Variants in RPS6KA2 observed in about 807,000 individuals in gnomAD.
RPS6KA2 encodes ribosomal protein S6 kinase alpha-2.
Under a neutral mutation model 91.8 loss-of-function variants are expected in RPS6KA2, and 42 were observed. That is an observed-to-expected ratio of 0.46 (90% confidence interval 0.36 to 0.59). The LOEUF (loss-of-function observed/expected upper bound fraction) is 0.59. RPS6KA2 is among the 20% of genes least tolerant of loss of function. The pLI is 0.00. For missense variants in RPS6KA2, 798 were observed against 978.5 expected, an observed-to-expected ratio of 0.82 and a Z score of 2.46; for synonymous variants, 414 against 393.6, an observed-to-expected ratio of 1.05 and a Z score of -0.61.
chr6:166,831,492 G>A (rs1228404839), intron 2 of RPS6KA2, among the ~76,000 whole-genome samples: 1 of 151,956 alleles, frequency 6.6e-6, no homozygotes, highest in Non-Finnish European at 1.5e-5. Context: ...TGTAAGGGCA[G>A]TGAGGACCAA....
Position 166,767,509 on chromosome 6 carries a change from G to C in RPS6KA2, c.123+90691C>G, listed in dbSNP as rs1423706249. Among the ~76,000 whole-genome samples, 2 of 152,110 alleles carry C rather than the reference G, an allele frequency of 1.3e-5. No individual in the cohort carries two copies. Among genetic ancestry groups the C allele is most frequent in the Admixed American group, 6.5e-5 (1 of 15,268 alleles). ...AAAATTAATTTTGTGACTCAGCTGA[G>C]GGCTGCTGCTGTCACCCAGGAGCCC... On this transcript the variant is annotated intron_variant, in intron 2 of 21. Transcript: ENST00000503859. The surrounding 1 kb of genome is among the most constrained non-coding windows in gnomAD (Gnocchi z 4.6).
At chr6:166,791,215 C>G (rs1202712920) in intron 2 of RPS6KA2, among the ~76,000 whole-genome samples, 1 of 152,112 alleles carries the variant, frequency 6.6e-6, no homozygotes, top group Non-Finnish European at 1.5e-5. Flanking sequence ...GGTCGCAATC[C>G]TAGTCTCTGA....
chr6:166,799,810 G>T (rs1216544220), intron 2 of RPS6KA2, among the ~76,000 whole-genome samples: 6 of 151,976 alleles, frequency 3.9e-5, no homozygotes, highest in African/African-American at 1.5e-4. Flanking sequence ...TTGGTTCCAT[G>T]GATAAGTTCT....
intron 2 of RPS6KA2, among the ~76,000 whole-genome samples, chr6:166,711,438 A>T (rs1326055910): frequency 6.6e-6 from 1 of 151,000 alleles, no homozygotes; most frequent in Non-Finnish European, 1.5e-5. Context: ...AAGATGACAG[A>T]ATGTTAGATA....
At chr6:166,792,836 G>C (rs1099641) in intron 2 of RPS6KA2, among the ~76,000 whole-genome samples, 60,146 of 152,016 alleles carry the variant, frequency 0.4, 13,358 homozygotes, top group East Asian at 0.55. Context: ...AATAAACTAG[G>C]TATTGATGGG....
rs1436331130 is a variant in RPS6KA2, at chr6:166,565,651, C to T, written c.100-26867G>A. 2.0e-5 allele frequency among the ~76,000 whole-genome samples: 3 copies of T among 152,364 alleles called. No homozygotes were observed. In the East Asian group the frequency reaches 5.8e-4, roughly 29 times the overall value. The stretch of plus-strand genomic sequence containing the variant: ...TCAGCCAATCCCAGTGTGGACTTGA[C>T]TCGGTCTTGGACACCGGGGGCCAGT... On this transcript the variant is annotated intron_variant, in intron 1 of 20. Coordinates refer to ENST00000265678, the MANE Select transcript of RPS6KA2 (RefSeq NM_021135.6).
chr6:166,513,620 T>C (rs978194499), intron 3 of RPS6KA2, among the ~76,000 whole-genome samples: 1 of 152,148 alleles, frequency 6.6e-6, no homozygotes, highest in African/African-American at 2.4e-5. Flanking sequence ...AGCCAGCATG[T>C]GAGCACTGTC....
Position 166,508,918 on chromosome 6 carries a change from T to A in RPS6KA2, c.380-636A>T, listed in dbSNP as rs1263896194. Among the ~76,000 whole-genome samples the A allele has an allele frequency of 1.3e-5, 2 of 152,138 alleles. No individual in the cohort carries two copies. Among genetic ancestry groups the A allele is most frequent in the Non-Finnish European group, 2.9e-5 (2 of 68,008 alleles). Reference sequence around the variant, plus strand: ...CACACTCAGCAAGGGCCTGCCTCTGTTGAGCGGGCGCATGAGCACGGGAGG... The same window carrying A: ...CACACTCAGCAAGGGCCTGCCTCTGATGAGCGGGCGCATGAGCACGGGAGG... On this transcript the variant is annotated intron_variant, in intron 4 of 20. Coordinates refer to ENST00000265678, the MANE Select transcript of RPS6KA2 (RefSeq NM_021135.6). This position sits in a 1 kb window ranked among gnomAD's most constrained non-coding sequence, Gnocchi z 4.3.
chr6:166,656,670 T>C (rs1788011109), intron 2 of RPS6KA2, among the ~76,000 whole-genome samples: 3 of 152,178 alleles, frequency 2.0e-5, no homozygotes, highest in Admixed American at 2.0e-4. Context: ...TGAGGTCGCA[T>C]TCATCCACAC....
intron 2 of RPS6KA2, among the ~76,000 whole-genome samples, chr6:166,641,717 C>CACAAAA (rs1787439038): frequency 7.6e-5 from 1 of 13,202 alleles, no homozygotes; most frequent in East Asian, 2.5e-3. Context: ...GAGACTCTGT[C>CACAAAA]ACAAAAAAAA....
chr6:166,862,345 GCGGGGCCTGCGCCGGC>G, exon 1 of RPS6KA2: 1 of 1,451,770 alleles, frequency 6.9e-7, no homozygotes, highest in Non-Finnish European at 9.1e-7. Context: ...GGTCGTGAGC[GCGGGGCCTGCGCCGGC>G]CGGAGGAGGG....
rs141678687 is a variant in RPS6KA2 at position 166,836,958 on chromosome 6, G to A, written c.123+21242C>T. ...GTGTGCCCCGTCTTCAGTCCCGCTC[G>A]GGCACCTGCAGCTGAGCTTCTCTTG... On this transcript the variant is annotated intron_variant, in intron 2 of 21. Transcript: ENST00000503859. 2.7e-4 allele frequency among the ~76,000 whole-genome samples: 41 copies of A among 152,208 alleles called. No homozygotes were observed. The South Asian group carries it at 4.6e-3, about 17-fold the overall frequency.
chr6:166,822,789 CAATG>C lies in RPS6KA2; in HGVS notation c.123+35407_123+35410del, dbSNP rs35844557. 6.0e-5 allele frequency among the ~76,000 whole-genome samples: 9 copies of C among 149,288 alleles called. No individual in the cohort carries two copies. In the South Asian group the frequency reaches 6.3e-4, roughly 10 times the overall value. ...ACATAGGGGCTCAGCACGTGTTTTC[CAATG>C]AATGAATGAATGAATGAATGAATGC... On this transcript the variant is annotated intron_variant, in intron 2 of 21. Transcript: ENST00000503859.
chr6:166,793,541 G>A (rs1044835271), intron 2 of RPS6KA2, among the ~76,000 whole-genome samples: 104 of 148,020 alleles, frequency 7.0e-4, no homozygotes, highest in African/African-American at 2.3e-3. Context: ...AGCCCGCATC[G>A]CCAAGTCAAT....
intron 2 of RPS6KA2, among the ~76,000 whole-genome samples, chr6:166,744,486 T>C (rs1790921851): frequency 6.6e-6 from 1 of 152,212 alleles, no homozygotes; most frequent in Non-Finnish European, 1.5e-5. Context: ...ACACAGGCTC[T>C]ATGGCGACAG....
chr6:166,831,500 C>G (rs1780181698), intron 2 of RPS6KA2, among the ~76,000 whole-genome samples: 1 of 151,872 alleles, frequency 6.6e-6, no homozygotes, highest in Non-Finnish European at 1.5e-5. Context: ...CAGTGAGGAC[C>G]AAGACACTCT....
At chr6:166,736,783 G>A (rs1279034205) in intron 2 of RPS6KA2, among the ~76,000 whole-genome samples, 1 of 152,202 alleles carries the variant, frequency 6.6e-6, no homozygotes, top group African/African-American at 2.4e-5. Flanking sequence ...CTGGAAGCAG[G>A]AAGACCAGAG....
At chr6:166,655,025 C>T (rs1787964731) in intron 2 of RPS6KA2, among the ~76,000 whole-genome samples, 1 of 152,152 alleles carries the variant, frequency 6.6e-6, no homozygotes, top group East Asian at 1.9e-4. Context: ...TAACTTTGAA[C>T]AGCACCTGGA....
At chr6:166,838,298 G>A (rs1291424792) in intron 2 of RPS6KA2, among the ~76,000 whole-genome samples, 2 of 152,310 alleles carry the variant, frequency 1.3e-5, no homozygotes, top group African/African-American at 4.8e-5. Context: ...AAGTGCTTCC[G>A]ACCTTCCTAA....
Sources: allele counts gnomAD v4.1 joint callset (sites outside exome capture counted in the v4.1 genomes callset), GRCh38; gene constraint gnomAD v4.1.1; non-coding constraint Gnocchi (gnomAD v3.1); transcripts MANE v1.5; gene names NCBI Gene and HGNC (gene_info 2026-07-23, HGNC 2026-07-21).